The following WDR70 variants were observed in gnomAD, a reference collection of about 807,000 sequenced individuals.
The protein encoded by WDR70 is WD repeat domain 70, also known as WD repeat-containing protein 70.
Under a neutral mutation model 88.6 loss-of-function variants are expected in WDR70, and 53 were observed. The ratio of observed to expected loss-of-function variants is 0.60; its 90% CI spans 0.48 to 0.75. The LOEUF (loss-of-function observed/expected upper bound fraction) is 0.75, where lower values mean the gene tolerates loss of function less well. WDR70 is among the 30% of genes least tolerant of loss of function. The probability of loss-of-function intolerance (pLI) is 0.00; values close to 1 mark genes in which losing one functional copy is unlikely to be tolerated. For synonymous variants in WDR70, 280 were observed against 270.0 expected, an observed-to-expected ratio of 1.04 and a Z score of -0.36; for missense variants, 610 against 823.2, an observed-to-expected ratio of 0.74 and a Z score of 3.17.
At chr5:37,586,421 T>C (rs1170466699) in intron 9 of WDR70, among the ~76,000 whole-genome samples, 1 of 152,168 alleles carries the variant, frequency 6.6e-6, no homozygotes, top group Non-Finnish European at 1.5e-5. Flanking sequence ...CTTTTTTTTA[T>C]TATTATACTT....
At chr5:37,410,410 T>G (rs1161280862) in intron 5 of WDR70, among the ~76,000 whole-genome samples, 1 of 151,950 alleles carries the variant, frequency 6.6e-6, no homozygotes, top group African/African-American at 2.4e-5. Context: ...CAGTTTCTGC[T>G]TGTTAAAATT....
chr5:37,564,815 C>A (rs1038822348), intron 9 of WDR70, among the ~76,000 whole-genome samples: 6 of 152,154 alleles, frequency 3.9e-5, no homozygotes, highest in Non-Finnish European at 8.8e-5. Flanking sequence ...CTGTTAGTTG[C>A]AGTTTTCACT....
intron 10 of WDR70, among the ~76,000 whole-genome samples, chr5:37,687,279 T>C (rs1746638570): frequency 6.6e-6 from 1 of 152,174 alleles, no homozygotes; most frequent in Non-Finnish European, 1.5e-5. Flanking sequence ...GAAGAGCACT[T>C]TTTGATATAA....
Position 37,743,019 on chromosome 5 carries a change from T to C in WDR70, c.1878-9467T>C, listed in dbSNP as rs562753922. Among the ~76,000 whole-genome samples, 13 of 152,316 alleles carry C rather than the reference T, an allele frequency of 8.5e-5. No individual in the cohort carries two copies. The East Asian group carries it at 2.5e-3, about 29-fold the overall frequency. On this transcript the variant is annotated intron_variant, in intron 17 of 17. Coordinates refer to ENST00000265107, the MANE Select transcript of WDR70 (RefSeq NM_018034.4). ...TGAAATATTACGGGCAGGGCCAAGA[T>C]GGCCAATTCAAAGCAGCGGTGTTCA...
chr5:37,506,593 CTG>C (rs1740568146), intron 8 of WDR70: 2 of 775,784 alleles, frequency 2.6e-6, no homozygotes, highest in Non-Finnish European at 4.8e-6. Context: ...GTTAGCCACT[CTG>C]TGTGGAATCC....
intron 10 of WDR70, among the ~76,000 whole-genome samples, chr5:37,683,255 G>A (rs138498058): frequency 2.2e-4 from 34 of 152,146 alleles, no homozygotes; most frequent in African/African-American, 7.9e-4. Context: ...GACAACATAC[G>A]ATTTGGTCTT....
At chr5:37,527,087 A>G (rs1741303444) in intron 9 of WDR70, among the ~76,000 whole-genome samples, 1 of 152,180 alleles carries the variant, frequency 6.6e-6, no homozygotes, top group African/African-American at 2.4e-5. Context: ...TGCCATCCCC[A>G]TCAAGCTACC....
At chr5:37,586,411 C>CT (rs757544595) in intron 9 of WDR70, among the ~76,000 whole-genome samples, 8 of 151,952 alleles carry the variant, frequency 5.3e-5, no homozygotes, top group Non-Finnish European at 8.8e-5. Context: ...ATGATCACAC[C>CT]TTTTTTTTAT....
At chr5:37,621,738 TC>T (rs1345479271) in intron 10 of WDR70, among the ~76,000 whole-genome samples, 1 of 152,218 alleles carries the variant, frequency 6.6e-6, no homozygotes, top group African/African-American at 2.4e-5. Flanking sequence ...TTAATTTAGA[TC>T]CCATTTGTCA....
intron 6 of WDR70, among the ~76,000 whole-genome samples, chr5:37,442,032 AAT>A (rs1491291044): frequency 1.1e-5 from 1 of 95,172 alleles, no homozygotes; most frequent in African/African-American, 3.3e-5. Flanking sequence ...CAGGGAAAGC[AAT>A]TTTTTTTTTT....
chr5:37,457,593 A>G (rs1312666406), intron 7 of WDR70, among the ~76,000 whole-genome samples: 3 of 152,194 alleles, frequency 2.0e-5, no homozygotes, highest in Non-Finnish European at 4.4e-5. Context: ...ATATCCACAT[A>G]TGTGGAAATG....
At chr5:37,483,425 T>A (rs1472148961) in intron 8 of WDR70, among the ~76,000 whole-genome samples, 4 of 152,166 alleles carry the variant, frequency 2.6e-5, no homozygotes, top group Non-Finnish European at 5.9e-5. Flanking sequence ...GGGGGTAAGG[T>A]CATAGATCAA....
chr5:37,626,500 G>C lies in WDR70; in HGVS notation c.1092+21262G>C, dbSNP rs1240910816. On this transcript the variant is annotated intron_variant, in intron 10 of 17. Coordinates refer to ENST00000265107, the MANE Select transcript of WDR70 (RefSeq NM_018034.4). ...GTATCCTCTTACTGATGTGTTGTTA[G>C]AACTCAGCTTGTTAGTATTTTGGTG... is the stretch of plus-strand genomic sequence containing the variant. Among the ~76,000 whole-genome samples, 5 of 152,256 alleles carry C rather than the reference G, an allele frequency of 3.3e-5. No homozygotes were observed. The East Asian group carries it at 9.6e-4, about 29-fold the overall frequency.
chr5:37,722,972 T>G (rs1182575326), intron 15 of WDR70, 38 bp downstream of exon 15: 5 of 1,605,866 alleles, frequency 3.1e-6, no homozygotes, highest in Non-Finnish European at 4.3e-6. Flanking sequence ...TGCATCTCTC[T>G]TCTACTCTCA....
In WDR70 at chr5:37,752,640, A is replaced by G; in HGVS notation, c.*67A>G. 2.9e-6 allele frequency: 3 copies of G among 1,038,996 alleles called. No homozygotes were observed. Among genetic ancestry groups the G allele is most frequent in the Non-Finnish European group, 4.3e-6 (3 of 705,626 alleles). 64.4% of individuals were successfully genotyped at this position (1,038,996 alleles called of 1,614,324 possible). A position where few individuals can be genotyped will look rare whatever the true frequency, so the allele number is the denominator to read the frequency against. On this transcript the variant is annotated 3_prime_UTR_variant, in exon 18 of 18. Transcript: ENST00000265107. Reference sequence around the variant, plus strand: ...TGGGACAGGTTTGGGTTTTTTTTTTATGCTCATGAAATTAAAAATTCATTT... The same window carrying G: ...TGGGACAGGTTTGGGTTTTTTTTTTGTGCTCATGAAATTAAAAATTCATTT...
intron 10 of WDR70, among the ~76,000 whole-genome samples, chr5:37,675,128 T>C (rs1051221273): frequency 4.1e-4 from 63 of 152,184 alleles, no homozygotes; most frequent in Non-Finnish European, 7.8e-4. Context: ...AGATTCTGGA[T>C]ATTAGCCCTT....
chr5:37,670,431 C>T (rs528323083), intron 10 of WDR70, among the ~76,000 whole-genome samples: 1 of 152,184 alleles, frequency 6.6e-6, no homozygotes, highest in South Asian at 2.1e-4. Flanking sequence ...AGTCGCGTGT[C>T]CATACCAAGA....
At chr5:37,437,036 T>A (rs1445461150) in intron 5 of WDR70, among the ~76,000 whole-genome samples, 2 of 152,150 alleles carry the variant, frequency 1.3e-5, no homozygotes, top group African/African-American at 4.8e-5. Context: ...TGCATTCCTC[T>A]TTACTGTCCC....
intron 9 of WDR70, among the ~76,000 whole-genome samples, chr5:37,542,280 CTT>C (rs765831095): frequency 1.2e-4 from 18 of 144,282 alleles, no homozygotes; most frequent in African/African-American, 1.6e-4. Context: ...TCTTCTTCTT[CTT>C]TTTTTTTTTT....
Sources: allele counts gnomAD v4.1 joint callset (sites outside exome capture counted in the v4.1 genomes callset), GRCh38; gene constraint gnomAD v4.1.1; transcripts MANE v1.5; gene names NCBI Gene and HGNC (gene_info 2026-07-23, HGNC 2026-07-21).